The following DMGDH variants were observed in gnomAD, a reference collection of about 807,000 sequenced individuals.
DMGDH encodes dimethylglycine dehydrogenase, mitochondrial.
Under a neutral mutation model 95.2 loss-of-function variants are expected in DMGDH, and 76 were observed. The ratio of observed to expected loss-of-function variants is 0.80; its 90% CI spans 0.66 to 0.97. DMGDH has a LOEUF of 0.97. DMGDH is among the 50% of genes least tolerant of loss of function. The pLI is 0.00. For synonymous variants in DMGDH, 345 were observed against 377.6 expected (o/e 0.91, Z 1.00); for missense variants, 987 against 1,055.0 (o/e 0.94, Z 0.89).
chr5:79,054,067 A>G, intron 4 of DMGDH, 117 bp downstream of exon 4: 1 of 1,155,376 alleles, frequency 8.7e-7, no homozygotes, highest in Non-Finnish European at 1.2e-6. Flanking sequence ...TAATCATATG[A>G]TTTTGTCACA....
chr5:79,059,510 T>C (rs373136957), intron 2 of DMGDH, among the ~76,000 whole-genome samples: 3 of 152,272 alleles, frequency 2.0e-5, no homozygotes, highest in Non-Finnish European at 4.4e-5. Flanking sequence ...TGGAAGGTAT[T>C]GCATTTTTTG....
At chr5:79,048,870 A>G (rs1225732873) in intron 5 of DMGDH, among the ~76,000 whole-genome samples, 3 of 148,184 alleles carry the variant, frequency 2.0e-5, no homozygotes, top group Admixed American at 2.0e-4. Flanking sequence ...AGAGAAAAAG[A>G]AAAAAAAAAG....
chr5:79,028,977 AAAATTAATTT>A (rs1179665111), intron 11 of DMGDH, among the ~76,000 whole-genome samples: 2 of 152,216 alleles, frequency 1.3e-5, no homozygotes, highest in Non-Finnish European at 2.9e-5. Context: ...TCAGCCTTGC[AAAATTAATTT>A]AAACCCAAAT....
rs1366685037 is a variant in DMGDH at position 79,063,683 on chromosome 5, G to C, written c.206C>G (p.Ala69Gly). ...GACCACATCTTTCATCCCTGCTTTG[G>C]CCAGGTGATAAGCCAGACTCACACC... The part of the protein sequence containing the change: ...CVGVSLAYHL[A>G]KAGMKDVVLL... The change falls in exon 2 of 16, where the codon GCC becomes GGC. Residue 69 changes from alanine (A) to glycine (G), a missense_variant. Ala to Gly is a moderately conservative substitution (Grantham distance 60). Transcript: ENST00000255189. 1.2e-6 allele frequency: 2 copies of C among 1,614,122 alleles called. No homozygotes were observed. The highest frequency in any genetic ancestry group is 1.7e-5 in the Admixed American group (1 of 60,016).
intron 5 of DMGDH, among the ~76,000 whole-genome samples, chr5:79,045,979 A>G (rs1271810239): frequency 1.3e-5 from 2 of 152,256 alleles, no homozygotes; most frequent in Non-Finnish European, 2.9e-5. Flanking sequence ...AGTTGGTCAC[A>G]CTTGTATAAT....
At chr5:79,054,153 C>T in intron 4 of DMGDH, 31 bp downstream of exon 4, 1 of 1,610,794 alleles carries the variant, frequency 6.2e-7, no homozygotes, top group Non-Finnish European at 8.5e-7. Context: ...CTTAAGTCAA[C>T]AAATGGTAAA....
At position 79,038,477 on chromosome 5, in the gene DMGDH, A is replaced by AAAAT. The variant is rs530868562; in HGVS notation, c.1193+3802_1193+3805dup. 2.5e-3 allele frequency among the ~76,000 whole-genome samples: 381 copies of AAAAT among 152,238 alleles called. 5 individuals carry two copies. The highest frequency in any genetic ancestry group is 1.4e-3 in the Non-Finnish European group (98 of 68,024). The stretch of plus-strand genomic sequence containing the variant: ...GGCAGCAGAGTAAGACTCTGTCTCA[A>AAAAT]AAATAAATAAATAAATAAAAGACAG... On this transcript the variant is annotated intron_variant, in intron 7 of 15. Coordinates refer to ENST00000255189, the MANE Select transcript of DMGDH (RefSeq NM_013391.3).
chr5:79,032,660 C>T (rs749394633), intron 9 of DMGDH, 27 bp downstream of exon 9: 1 of 1,614,012 alleles, frequency 6.2e-7, no homozygotes, highest in Admixed American at 1.7e-5. Context: ...CGGTCAGAAC[C>T]ACAGGCAGGT....
Position 79,042,290 on chromosome 5 carries a change from C to A in DMGDH, c.1186G>T (p.Gly396Cys). The A allele has an allele frequency of 6.2e-7, 1 of 1,614,052 alleles. No individual in the cohort carries two copies. Among genetic ancestry groups the A allele is most frequent in the Non-Finnish European group, 8.5e-7 (1 of 1,179,902 alleles). ...TTACATGAAGATACTTACCCAAAGC[C>A]TATAGCCACCCAGTAGTTTCTGACC... ...QGVRNYWVAI[G>C]FGYGIIHAGG... The change falls in exon 7 of 16, where the codon GGC becomes TGC. Residue 396 changes from glycine to cysteine, a missense_variant. By Grantham distance (159) the Gly-to-Cys change is radical. Coordinates refer to ENST00000255189, the MANE Select transcript of DMGDH (RefSeq NM_013391.3).
At chr5:79,036,179 G>A (rs1754342718) in intron 7 of DMGDH, among the ~76,000 whole-genome samples, 1 of 152,246 alleles carries the variant, frequency 6.6e-6, no homozygotes. Context: ...ATGGCACATA[G>A]TGGGCAAGGA....
intron 5 of DMGDH, among the ~76,000 whole-genome samples, chr5:79,044,756 T>G (rs913415501): frequency 1.3e-5 from 2 of 152,170 alleles, no homozygotes; most frequent in African/African-American, 2.4e-5. Flanking sequence ...ACCCAGAGAT[T>G]TGAAGATATC....
chr5:79,059,573 A>T (rs556961), intron 2 of DMGDH, among the ~76,000 whole-genome samples: 95,511 of 152,184 alleles, frequency 0.63, 30,223 homozygotes, highest in East Asian at 0.78. Context: ...TTAGAAAAAA[A>T]TTGAAATGGA....
chr5:79,047,983 T>A (rs923302228), intron 5 of DMGDH, among the ~76,000 whole-genome samples: 2 of 152,096 alleles, frequency 1.3e-5, no homozygotes, highest in African/African-American at 2.4e-5. Context: ...ACCAGCAGAA[T>A]CGGTGCTGGA....
chr5:79,018,210 G>A lies in DMGDH; in HGVS notation c.2250+6061C>T, dbSNP rs111837508. Among the ~76,000 whole-genome samples the A allele has an allele frequency of 4.2e-3, 641 of 152,176 alleles. 6 individuals are homozygous for A. The highest frequency in any genetic ancestry group is 0.015 in the African/African-American group (608 of 41,510). On this transcript the variant is annotated intron_variant, in intron 14 of 15. Transcript: ENST00000255189. ...CTACAGGCATGTGTCACCATGCCCG[G>A]CTAATTTTTTGTGGAGATGGAAGTC...
At chr5:79,033,075 A>G (rs1424751882) in intron 8 of DMGDH, among the ~76,000 whole-genome samples, 164 bp downstream of exon 8, 1 of 152,232 alleles carries the variant, frequency 6.6e-6, no homozygotes. Flanking sequence ...CGTGTTAAAT[A>G]TATACATCCA....
chr5:79,030,008 CAT>C lies in DMGDH; in HGVS notation c.1708_1709del (p.Met570ValfsTer10). On this transcript the variant is annotated frameshift_variant, in exon 11 of 16. Transcript: ENST00000255189. LOFTEE classifies it high-confidence loss of function. ...CATACACTCGACCCTTGGGTGTTAA[CAT>C]GTGACTTATATTTGTAAAACCCACC... ...PKVGFTNISH[M>X]LTPKGRVYAE... The C allele has an allele frequency of 6.2e-7, 1 of 1,613,898 alleles. No individual in the cohort carries two copies.
At chr5:79,000,657 G>T in intron 15 of DMGDH, 1 of 611,510 alleles carries the variant, frequency 1.6e-6, no homozygotes, top group Non-Finnish European at 3.2e-6. Context: ...TTGCCTCTGG[G>T]CCTGGTTCTG....
At chr5:79,032,621 G>A (rs1276887914) in intron 9 of DMGDH, 66 bp downstream of exon 9, 2 of 1,601,860 alleles carry the variant, frequency 1.2e-6, no homozygotes, top group East Asian at 2.2e-5. Context: ...CAGAATCAGC[G>A]CTTTTTGCTG....
chr5:79,050,279 T>A (rs1383854735), intron 5 of DMGDH, among the ~76,000 whole-genome samples: 429 of 24,530 alleles, frequency 0.017, no homozygotes, highest in East Asian at 0.078. Context: ...AAAAAATATA[T>A]ATATATATAT....
Sources: gnomAD v4.1 joint callset for allele counts (sites outside exome capture counted in the v4.1 genomes callset) on GRCh38, gnomAD v4.1.1 for gene constraint, MANE v1.5 for transcripts, NCBI Gene and HGNC (gene_info 2026-07-23, HGNC 2026-07-21) for gene names.